KDM4B: variants seen among roughly 807,000 people sequenced by gnomAD.
The protein encoded by KDM4B is lysine demethylase 4B, also known as lysine-specific demethylase 4B.
A neutral mutation model predicts 125.2 loss-of-function variants in KDM4B; 32 were observed. The observed-to-expected ratio is 0.26, with a 90% CI of 0.19 to 0.34. KDM4B has a LOEUF of 0.34. Ranked by LOEUF, KDM4B falls within the 10% of genes least tolerant of loss-of-function variation. KDM4B has a pLI of 1.00. For synonymous variants in KDM4B, 721 were observed against 677.9 expected, an observed-to-expected ratio of 1.06 and a Z score of -0.99; for missense variants, 1,190 against 1,577.7, an observed-to-expected ratio of 0.75 and a Z score of 4.16.
intron 2 of KDM4B, among the ~76,000 whole-genome samples, chr19:5,023,239 G>T (rs905764346): frequency 7.2e-5 from 11 of 152,212 alleles, no homozygotes; most frequent in African/African-American, 2.7e-4. Context: ...GCTCTCTGGA[G>T]TAGGACGAAG....
chr19:5,151,022 T>TCC (rs1429774756), intron 22 of KDM4B, among the ~76,000 whole-genome samples: 1 of 151,860 alleles, frequency 6.6e-6, no homozygotes, highest in African/African-American at 2.4e-5. Context: ...GTGGGGGAGG[T>TCC]TCCTGGTCCT....
chr19:5,053,880 G>T (rs2037310277), intron 6 of KDM4B, among the ~76,000 whole-genome samples: 1 of 152,226 alleles, frequency 6.6e-6, no homozygotes, highest in Admixed American at 6.5e-5. Flanking sequence ...ACTGGCTCTG[G>T]GTCCACATGG....
rs1181529331 is a variant in KDM4B, at chr19:5,012,441, G to C, written c.-108-3816G>C. ...CTAATGGACTGTTTTCTGTCCCAGG[G>C]CCCCCCACACCGGGATTCCTCGTGG... On this transcript the variant is annotated intron_variant, in intron 1 of 22. Transcript: ENST00000159111. Among the ~76,000 whole-genome samples, 8 of 151,952 alleles carry C rather than the reference G, an allele frequency of 5.3e-5. No homozygotes were observed. In the East Asian group the frequency reaches 1.6e-3, roughly 29 times the overall value.
intron 2 of KDM4B, among the ~76,000 whole-genome samples, chr19:5,024,197 G>C (rs1310801894): frequency 4.6e-5 from 7 of 152,222 alleles, no homozygotes; most frequent in African/African-American, 1.7e-4. Context: ...GTGGACTCTG[G>C]GGTCAAGGAG....
intron 1 of KDM4B, among the ~76,000 whole-genome samples, chr19:4,996,810 AAAAC>A (rs1251656170): frequency 6.6e-6 from 1 of 152,158 alleles, no homozygotes; most frequent in Non-Finnish European, 1.5e-5. Context: ...TAAAAACAAA[AAAAC>A]AAACCCAAAG....
chr19:5,000,897 A>G (rs149670502), intron 1 of KDM4B, among the ~76,000 whole-genome samples: 126 of 152,324 alleles, frequency 8.3e-4, no homozygotes, highest in African/African-American at 2.9e-3. Flanking sequence ...ACAAAAAGGC[A>G]TGGGCGGAGA....
chr19:5,041,525 G>A (rs111977248), intron 5 of KDM4B, among the ~76,000 whole-genome samples: 8,774 of 152,242 alleles, frequency 0.058, 283 homozygotes, highest in Admixed American at 0.088. Context: ...GGCCCACAGC[G>A]TGTTACAAAC....
intron 21 of KDM4B, among the ~76,000 whole-genome samples, chr19:5,145,140 T>G (rs1399088637): frequency 6.6e-6 from 1 of 152,180 alleles, no homozygotes; most frequent in African/African-American, 2.4e-5. Context: ...ACATTTCCCT[T>G]TGAGACACCT....
At chr19:5,070,180 G>A (rs1227479578) in intron 6 of KDM4B, among the ~76,000 whole-genome samples, 2 of 152,256 alleles carry the variant, frequency 1.3e-5, no homozygotes, top group African/African-American at 2.4e-5. Context: ...CCCTGTCCTC[G>A]TCCCCTTCGC....
intron 1 of KDM4B, among the ~76,000 whole-genome samples, chr19:5,014,423 C>T (rs1195901209): frequency 1.3e-5 from 2 of 152,208 alleles, no homozygotes; most frequent in African/African-American, 2.4e-5. Flanking sequence ...ACTGCAGGCG[C>T]CCGCCACCAC....
chr19:5,035,881 G>GTGTGTGTGTGTGTGTGTGTGCGCA lies in KDM4B; in HGVS notation c.141+2850_141+2851insTGTGTGTGTGTGTGTGTGTGCGCA, dbSNP rs1555696840. Among the ~76,000 whole-genome samples, 1 of 29,360 alleles carries GTGTGTGTGTGTGTGTGTGTGCGCA rather than the reference G, an allele frequency of 3.4e-5. No homozygotes were observed. Among genetic ancestry groups the GTGTGTGTGTGTGTGTGTGTGCGCA allele is most frequent in the African/African-American group, 8.7e-5 (1 of 11,496 alleles). 19.3% of individuals were successfully genotyped at this position (29,360 alleles called of 152,430 possible). ...CGTGTCTCTGTGTGTGTGTGTGTGT[G>GTGTGTGTGTGTGTGTGTGTGCGCA]CGCGCGCGCGCGCGCCTGCGCGCAC... On this transcript the variant is annotated intron_variant, in intron 3 of 22. Transcript: ENST00000159111. The surrounding 1 kb of genome is among the most constrained non-coding windows in gnomAD (Gnocchi z 5.3).
chr19:5,069,599 C>T (rs1471841201), intron 6 of KDM4B, among the ~76,000 whole-genome samples: 1 of 149,546 alleles, frequency 6.7e-6, no homozygotes, highest in African/African-American at 2.5e-5. Context: ...AGCCACTGCA[C>T]CCGGCCTGTT....
chr19:5,061,961 G>A lies in KDM4B; in HGVS notation c.627-9049G>A, dbSNP rs576238917. ...GGGAGGAGCCGTGCAGCCCAGGCTG[G>A]GCTCCATTTCTGCAGCGGTGGCATC... On this transcript the variant is annotated intron_variant, in intron 6 of 22. Coordinates refer to ENST00000159111, the MANE Select transcript of KDM4B (RefSeq NM_015015.3). 7.9e-5 allele frequency among the ~76,000 whole-genome samples: 12 copies of A among 152,330 alleles called. No individual in the cohort carries two copies. In the East Asian group the frequency reaches 2.3e-3, roughly 29 times the overall value.
intron 6 of KDM4B, among the ~76,000 whole-genome samples, chr19:5,049,958 G>T (rs908435377): frequency 2.6e-5 from 4 of 151,872 alleles, no homozygotes; most frequent in African/African-American, 9.7e-5. Context: ...TGGTCCCTGG[G>T]CTGGGGTTCA....
intron 6 of KDM4B, among the ~76,000 whole-genome samples, chr19:5,057,065 T>TGTGTGTGTGCGCGC (rs55806859): frequency 1.9e-4 from 25 of 128,396 alleles, no homozygotes; most frequent in African/African-American, 7.7e-4. Flanking sequence ...TGTGTGTGTG[T>TGTGTGTGTGCGCGC]GCGCGCGCGC....
intron 9 of KDM4B, among the ~76,000 whole-genome samples, chr19:5,102,392 G>A (rs962941961): frequency 5.3e-5 from 8 of 152,180 alleles, no homozygotes; most frequent in Admixed American, 3.3e-4. Context: ...GGTGTTGCCT[G>A]GCAGGGAGTG....
chr19:5,123,204 G>A (rs987227876), intron 11 of KDM4B, among the ~76,000 whole-genome samples: 12 of 152,240 alleles, frequency 7.9e-5, no homozygotes, highest in African/African-American at 2.9e-4. Context: ...GTGGCACGGG[G>A]CTTCTCATAT....
At position 5,059,933 on chromosome 19, in the gene KDM4B, A is replaced by T. The variant is rs375554850; in HGVS notation, c.627-11077A>T. On this transcript the variant is annotated intron_variant, in intron 6 of 22. Coordinates refer to ENST00000159111, the MANE Select transcript of KDM4B (RefSeq NM_015015.3). ...TGCCTGCGTGTGGCTCACTCCCACCACGGGCACATCAGCCCTGGTGCCCAG... is the reference window on the plus strand; with the variant it reads ...TGCCTGCGTGTGGCTCACTCCCACCTCGGGCACATCAGCCCTGGTGCCCAG... Among the ~76,000 whole-genome samples, 45 of 152,286 alleles carry T rather than the reference A, an allele frequency of 3.0e-4. 1 individual carries two copies. The South Asian group carries it at 8.7e-3, about 29-fold the overall frequency.
rs144698424 is a variant in KDM4B at position 5,070,354 on chromosome 19, C to T, written c.627-656C>T. Among the ~76,000 whole-genome samples the T allele has an allele frequency of 5.8e-3, 884 of 152,352 alleles. 9 individuals carry two copies. The highest frequency in any genetic ancestry group is 0.02 in the African/African-American group (834 of 41,574). On this transcript the variant is annotated intron_variant, in intron 6 of 22. Transcript: ENST00000159111. ...CATCGCAGGTCTCCAGCTTCTGGTA[C>T]GGCATGAGCGGGATGCCACCCCCAC... is the stretch of plus-strand genomic sequence containing the variant.
Sources: gnomAD v4.1 joint callset for allele counts (sites outside exome capture counted in the v4.1 genomes callset) on GRCh38, gnomAD v4.1.1 for gene constraint, Gnocchi (gnomAD v3.1) non-coding constraint, MANE v1.5 for transcripts, NCBI Gene and HGNC (gene_info 2026-07-23, HGNC 2026-07-21) for gene names.